AP1G1: variants seen among roughly 807,000 people sequenced by gnomAD.
The protein encoded by AP1G1 is AP-1 complex subunit gamma-1.
Under a neutral mutation model 108.3 loss-of-function variants are expected in AP1G1, and 7 were observed. That is an observed-to-expected ratio of 0.06 (90% CI 0.04 to 0.12). AP1G1 has a LOEUF of 0.12. Ranked by LOEUF, AP1G1 falls within the 10% of genes least tolerant of loss-of-function variation. The pLI is 1.00. For missense variants in AP1G1, 756 were observed against 1,010.7 expected, an observed-to-expected ratio of 0.75 and a Z score of 3.42; for synonymous variants, 379 against 353.5, an observed-to-expected ratio of 1.07 and a Z score of -0.81.
At position 71,773,171 on chromosome 16, in the gene AP1G1, C is replaced by T. The variant is rs1567654555; in HGVS notation, c.468+50G>A. ...AAAAATGAGTAATCTGCCTTCTCAT[C>T]TCCATAATACTCCCTAATCCAAACA... On this transcript the variant is annotated intron_variant, in intron 4 of 22. Coordinates refer to ENST00000299980, the MANE Select transcript of AP1G1 (RefSeq NM_001128.6). 15 of 1,592,634 alleles carry T rather than the reference C, an allele frequency of 9.4e-6. No individual in the cohort carries two copies. The South Asian group carries it at 1.2e-4, about 13-fold the overall frequency.
intron 2 of AP1G1, among the ~76,000 whole-genome samples, chr16:71,787,410 G>C (rs1166539607): frequency 6.6e-6 from 1 of 151,486 alleles, no homozygotes; most frequent in Non-Finnish European, 1.5e-5. Flanking sequence ...AGGAGAACTT[G>C]AGCCCAGTAG....
chr16:71,769,545 A>G (rs1209440758), intron 6 of AP1G1, 78 bp downstream of exon 6: 4 of 1,383,650 alleles, frequency 2.9e-6, no homozygotes, highest in Non-Finnish European at 4.1e-6. Context: ...TCAAAAAAAA[A>G]TAAGAAGAAA....
At chr16:71,753,940 C>T (rs12921088) in intron 12 of AP1G1, 53 bp from the exon 13 acceptor site, 17 of 1,548,678 alleles carry the variant, frequency 1.1e-5, no homozygotes, top group Admixed American at 8.5e-5. Flanking sequence ...ATACCGTTTT[C>T]AGTGACTAGA....
intron 1 of AP1G1, among the ~76,000 whole-genome samples, chr16:71,797,011 A>T (rs1046378046): frequency 1.0e-4 from 13 of 128,220 alleles, no homozygotes; most frequent in African/African-American, 3.6e-4. Flanking sequence ...CTCTTAAAAA[A>T]AAAATTATAT....
chr16:71,807,578 G>C (rs951075153), intron 1 of AP1G1, among the ~76,000 whole-genome samples: 1 of 152,198 alleles, frequency 6.6e-6, no homozygotes, highest in Non-Finnish European at 1.5e-5. Flanking sequence ...TGACAAGTTA[G>C]GTATTTGACA....
intron 16 of AP1G1, among the ~76,000 whole-genome samples, chr16:71,747,619 C>T (rs971161506): frequency 3.3e-5 from 5 of 150,110 alleles, no homozygotes; most frequent in Non-Finnish European, 7.4e-5. Context: ...AAACCAAAAC[C>T]TTTATATGGG....
intron 12 of AP1G1, among the ~76,000 whole-genome samples, 193 bp from the exon 13 acceptor site, chr16:71,754,080 A>C (rs2030643784): frequency 6.6e-6 from 1 of 152,086 alleles, no homozygotes; most frequent in South Asian, 2.1e-4. Flanking sequence ...CTCACCAAAA[A>C]ATACAAAAAT....
At chr16:71,775,289 C>A (rs1218100889) in intron 2 of AP1G1, among the ~76,000 whole-genome samples, 1 of 151,930 alleles carries the variant, frequency 6.6e-6, no homozygotes, top group African/African-American at 2.4e-5. Context: ...GCCTCAGCCT[C>A]CCAAAGTGCT....
intron 21 of AP1G1, among the ~76,000 whole-genome samples, chr16:71,736,554 ATTT>A (rs2045546502): frequency 4.0e-5 from 1 of 25,260 alleles, no homozygotes; most frequent in African/African-American, 1.9e-4. Context: ...CTAATTTATT[ATTT>A]ATTTATTTAT....
At chr16:71,799,928 A>AATAAT (rs1567665357) in intron 1 of AP1G1, among the ~76,000 whole-genome samples, 163 of 145,976 alleles carry the variant, frequency 1.1e-3, no homozygotes, top group Non-Finnish European at 1.8e-3. Context: ...ATAATAATAA[A>AATAAT]AAATTATATT....
chr16:71,789,295 G>T lies in AP1G1; in HGVS notation c.185C>A (p.Pro62His). 1 of 1,613,864 alleles carries T rather than the reference G, an allele frequency of 6.2e-7. No individual in the cohort carries two copies. The highest frequency in any genetic ancestry group is 8.5e-7 in the Non-Finnish European group (1 of 1,179,924). ...KLLYMHMLGY[P>H]AHFGQLECLK... ...CCAGCCTACCTGTCCAAAGTGAGCA[G>T]GGTAGCCCAGCATGTGCATATACAG... The change falls in exon 2 of 23, where the codon CCT becomes CAT. Residue 62 changes from proline to histidine, a missense_variant. Pro to His is a moderately conservative substitution (Grantham distance 77, BLOSUM62 -2). This residue lies in a region of AP1G1 where 304 missense variants were observed against 483.6 expected (regional missense o/e 0.63). Transcript: ENST00000299980.
intron 11 of AP1G1, among the ~76,000 whole-genome samples, chr16:71,757,022 A>G (rs1406526769): frequency 6.6e-6 from 1 of 152,216 alleles, no homozygotes; most frequent in Non-Finnish European, 1.5e-5. Flanking sequence ...AAGAGTTTCT[A>G]TAACTGCCTA....
At chr16:71,806,704 A>G (rs906698650) in intron 1 of AP1G1, 19 of 1,288,808 alleles carry the variant, frequency 1.5e-5, no homozygotes, top group Non-Finnish European at 1.5e-5. Context: ...TGAGCATTAC[A>G]TAGGTGTTCA....
intron 7 of AP1G1, among the ~76,000 whole-genome samples, chr16:71,765,105 C>G (rs969221634): frequency 1.3e-5 from 2 of 152,120 alleles, no homozygotes; most frequent in African/African-American, 4.8e-5. Flanking sequence ...CTTTGAGAGG[C>G]TGAGGGGGGC....
At chr16:71,739,483 A>C (rs1008196085) in intron 19 of AP1G1, 142 bp from the exon 20 acceptor site, 23 of 627,392 alleles carry the variant, frequency 3.7e-5, no homozygotes, top group Non-Finnish European at 5.8e-5. Context: ...ACAAAGAGAA[A>C]GAACTAAAAA....
In AP1G1 at chr16:71,798,255, G is replaced by A. The variant is rs1044549912; in HGVS notation, c.-3-8773C>T. The stretch of plus-strand genomic sequence containing the variant: ...AGGCCATGAGTTAGAAACCAGCCTG[G>A]GCAATACAGTGAGACTGTGTCTCTA... On this transcript the variant is annotated intron_variant, in intron 1 of 22. Transcript: ENST00000299980. Among the ~76,000 whole-genome samples, 3 of 152,010 alleles carry A rather than the reference G, an allele frequency of 2.0e-5. No individual in the cohort carries two copies. In the East Asian group the frequency reaches 5.8e-4, roughly 30 times the overall value.
At chr16:71,782,405 C>G (rs2032055380) in intron 2 of AP1G1, among the ~76,000 whole-genome samples, 1 of 151,986 alleles carries the variant, frequency 6.6e-6, no homozygotes, top group Non-Finnish European at 1.5e-5. Context: ...CTCAAGCAAT[C>G]TGCCCGCCTC....
intron 2 of AP1G1, among the ~76,000 whole-genome samples, chr16:71,774,956 G>C (rs2031720491): frequency 1.3e-5 from 2 of 150,402 alleles, no homozygotes; most frequent in South Asian, 4.2e-4. Flanking sequence ...CCTGACCTCT[G>C]CCGATCCACC....
chr16:71,806,305 T>C (rs1325025998), intron 1 of AP1G1, among the ~76,000 whole-genome samples: 2 of 152,164 alleles, frequency 1.3e-5, no homozygotes, highest in African/African-American at 4.8e-5. Context: ...TATGCACTGA[T>C]CAATGGTGCA....
Sources: allele counts gnomAD v4.1 joint callset (sites outside exome capture counted in the v4.1 genomes callset), GRCh38; gene constraint gnomAD v4.1.1; regional missense constraint gnomAD v4.1.1; transcripts MANE v1.5; gene names NCBI Gene and HGNC (gene_info 2026-07-23, HGNC 2026-07-21).